Variants in RPS6KC1 observed in about 807,000 individuals in gnomAD.
RPS6KC1 encodes inactive ribosomal protein S6 kinase delta-1.
Under a neutral mutation model 103.8 loss-of-function variants are expected in RPS6KC1, and 54 were observed. That is an observed-to-expected ratio of 0.52 (90% CI 0.42 to 0.65). The LOEUF (loss-of-function observed/expected upper bound fraction) is 0.65. Among genes scored for constraint, RPS6KC1 ranks in the 30% least tolerant of loss-of-function variants. RPS6KC1 has a pLI of 0.00. For synonymous variants in RPS6KC1, 439 were observed against 438.7 expected, an observed-to-expected ratio of 1.00 and a Z score of -0.01; for missense variants, 1,151 against 1,253.8, an observed-to-expected ratio of 0.92 and a Z score of 1.24.
the RPS6KC1 span, among the ~76,000 whole-genome samples, chr1:213,544,122 G>C: frequency 4.8e-4 from 73 of 152,244 alleles, 1 homozygote; most frequent in South Asian, 0.011. Context: ...GAAGAAGAAA[G>C]AAATGGAAAG....
At chr1:213,054,071 G>A (rs1225255581) in intron 1 of RPS6KC1, among the ~76,000 whole-genome samples, 1 of 152,008 alleles carries the variant, frequency 6.6e-6, no homozygotes, top group Non-Finnish European at 1.5e-5. Context: ...CCTGACCTCA[G>A]GTGATCCACC....
At chr1:213,322,440 C>T in the RPS6KC1 span, among the ~76,000 whole-genome samples, 1 of 152,192 alleles carries the variant, frequency 6.6e-6, no homozygotes, top group African/African-American at 2.4e-5. Context: ...AAGGATCATT[C>T]TGGCTTTTGT....
chr1:213,662,734 C>T, the RPS6KC1 span, among the ~76,000 whole-genome samples: 3 of 152,198 alleles, frequency 2.0e-5, no homozygotes, highest in Non-Finnish European at 4.4e-5. Flanking sequence ...GTAACCTCAA[C>T]TCCAACCAAA....
At chr1:213,570,742 T>C in the RPS6KC1 span, among the ~76,000 whole-genome samples, 18 of 152,152 alleles carry the variant, frequency 1.2e-4, no homozygotes, top group African/African-American at 4.3e-4. Flanking sequence ...GGGTGAGAAA[T>C]TATCTAATGA....
chr1:213,510,281 C>T, the RPS6KC1 span, among the ~76,000 whole-genome samples: 13 of 152,278 alleles, frequency 8.5e-5, 1 homozygote, highest in African/African-American at 2.4e-4. Flanking sequence ...TCACCAGATC[C>T]GGAGTACTTC....
chr1:213,771,972 C>T, the RPS6KC1 span, among the ~76,000 whole-genome samples: 1 of 152,162 alleles, frequency 6.6e-6, no homozygotes, highest in Non-Finnish European at 1.5e-5. Flanking sequence ...GATGAGAAAA[C>T]ATTACCAGCT....
chr1:213,757,916 C>G, the RPS6KC1 span, among the ~76,000 whole-genome samples: 3 of 152,296 alleles, frequency 2.0e-5, no homozygotes, highest in Non-Finnish European at 2.9e-5. Context: ...TGTGCTCTAT[C>G]AATGGAGCTA....
chr1:213,800,086 A>G, the RPS6KC1 span, among the ~76,000 whole-genome samples: 1 of 152,084 alleles, frequency 6.6e-6, no homozygotes, highest in Non-Finnish European at 1.5e-5. Flanking sequence ...CTCTAAACCT[A>G]ATAACCTCTG....
chr1:213,070,933 G>T, intron 1 of RPS6KC1, 73 bp from the exon 2 acceptor site: 1 of 896,516 alleles, frequency 1.1e-6, no homozygotes, highest in Non-Finnish European at 1.7e-6. Flanking sequence ...AATACTATTG[G>T]AAGTTAATTA....
chr1:213,294,776 T>G, the RPS6KC1 span, among the ~76,000 whole-genome samples: 1 of 152,190 alleles, frequency 6.6e-6, no homozygotes, highest in East Asian at 1.9e-4. Flanking sequence ...CAGGATAGCA[T>G]AGTTACAGGA....
intron 6 of RPS6KC1, among the ~76,000 whole-genome samples, chr1:213,151,823 C>T (rs1326547474): frequency 3.5e-4 from 43 of 123,432 alleles, no homozygotes; most frequent in African/African-American, 1.3e-3. Flanking sequence ...GCTGGCCGGG[C>T]GAGGGGCTGA....
At chr1:213,482,545 T>TTTTTTTTTTTTTTG in the RPS6KC1 span, among the ~76,000 whole-genome samples, 1 of 110,130 alleles carries the variant, frequency 9.1e-6, no homozygotes, top group East Asian at 2.6e-4. Context: ...TTGAGGTTTT[T>TTTTTTTTTTTTTTG]TTTTTTTTTT....
At chr1:213,721,772 G>A in the RPS6KC1 span, among the ~76,000 whole-genome samples, 2 of 152,122 alleles carry the variant, frequency 1.3e-5, no homozygotes, top group South Asian at 2.1e-4. Flanking sequence ...GAGGTCCAAG[G>A]ACATTGTTAG....
the RPS6KC1 span, among the ~76,000 whole-genome samples, chr1:213,666,354 A>AAC: frequency 6.6e-6 from 1 of 152,168 alleles, no homozygotes; most frequent in Non-Finnish European, 1.5e-5. Context: ...AGAATTTCAC[A>AAC]ACTTCCACAT....
At chr1:213,677,648 G>A in the RPS6KC1 span, among the ~76,000 whole-genome samples, 1 of 152,180 alleles carries the variant, frequency 6.6e-6, no homozygotes, top group East Asian at 1.9e-4. Context: ...TATGTGGGGG[G>A]AGATGTAATT....
the RPS6KC1 span, among the ~76,000 whole-genome samples, chr1:213,689,918 C>T: frequency 1.3e-5 from 2 of 152,188 alleles, 1 homozygote; most frequent in South Asian, 4.1e-4. Flanking sequence ...GACAGAAGTG[C>T]AGTCTCATGG....
chr1:213,825,629 T>A, the RPS6KC1 span, among the ~76,000 whole-genome samples: 56 of 152,078 alleles, frequency 3.7e-4, 1 homozygote, highest in Non-Finnish European at 1.8e-4. Context: ...TCATCCCCTG[T>A]TTAACAACCT....
At chr1:213,129,465 T>G (rs1172151088) in intron 5 of RPS6KC1, 62 bp from the exon 6 acceptor site, 6 of 1,463,106 alleles carry the variant, frequency 4.1e-6, no homozygotes, top group Non-Finnish European at 5.5e-6. Context: ...ATTAGCATGA[T>G]TTGTATTCGT....
the RPS6KC1 span, among the ~76,000 whole-genome samples, chr1:213,515,079 TG>T: frequency 6.6e-6 from 1 of 152,206 alleles, no homozygotes; most frequent in Non-Finnish European, 1.5e-5. Context: ...TAGAGTTGTT[TG>T]TTTTTTTCTT....
Sources: gnomAD v4.1 joint callset for allele counts (sites outside exome capture counted in the v4.1 genomes callset) on GRCh38, gnomAD v4.1.1 for gene constraint, MANE v1.5 for transcripts, NCBI Gene and HGNC (gene_info 2026-07-23, HGNC 2026-07-21) for gene names.